The following VAV3 variants were observed in gnomAD, a reference collection of about 807,000 sequenced individuals.
The protein encoded by VAV3 is guanine nucleotide exchange factor VAV3.
In VAV3, 94 loss-of-function variants were observed where a neutral mutation model predicts 131.2. The observed-to-expected ratio is 0.72, with a 90% CI of 0.61 to 0.85. The LOEUF is 0.85. Among genes scored for constraint, VAV3 ranks in the 40% least tolerant of loss-of-function variants. The pLI, the probability that VAV3 is intolerant of heterozygous loss-of-function variation, is 0.00. For synonymous variants in VAV3, 349 were observed against 342.0 expected (o/e 1.02, Z -0.22); for missense variants, 939 against 1,002.7 (o/e 0.94, Z 0.86).
intron 19 of VAV3, among the ~76,000 whole-genome samples, chr1:107,658,366 G>T (rs1656739385): frequency 6.6e-6 from 1 of 152,166 alleles, no homozygotes; most frequent in Non-Finnish European, 1.5e-5. Flanking sequence ...CATTTGGGTG[G>T]GTTTCAAGTC....
chr1:107,879,698 T>C (rs1464672150), intron 1 of VAV3, among the ~76,000 whole-genome samples: 1 of 95,230 alleles, frequency 1.1e-5, no homozygotes, highest in Non-Finnish European at 2.2e-5. Context: ...TTCATAACCA[T>C]ACCTATTTTT....
chr1:107,964,961 C>T lies in VAV3; in HGVS notation c.-92G>A, dbSNP rs1245526015. On this transcript the variant is annotated 5_prime_UTR_variant, in exon 1 of 27. Coordinates refer to ENST00000370056, the MANE Select transcript of VAV3 (RefSeq NM_006113.5). Reference sequence around the variant, plus strand: ...CCGCGGTTCCTCCGCGCCCCGCCGACGCCAACAGCCGCCGGCCCTTTCCCC... The same window carrying T: ...CCGCGGTTCCTCCGCGCCCCGCCGATGCCAACAGCCGCCGGCCCTTTCCCC... 7.5e-6 allele frequency: 8 copies of T among 1,067,404 alleles called. No individual in the cohort carries two copies. Among genetic ancestry groups the T allele is most frequent in the African/African-American group, 1.7e-5 (1 of 59,198 alleles). 66.1% of individuals were successfully genotyped at this position (1,067,404 alleles called of 1,614,324 possible). A position where few individuals can be genotyped will look rare whatever the true frequency, so the allele number is the denominator to read the frequency against.
At chr1:107,963,685 T>C (rs1470593423) in intron 1 of VAV3, 2 of 152,214 alleles carry the variant, frequency 1.3e-5, no homozygotes, top group African/African-American at 4.8e-5. Flanking sequence ...AGAGGATTAG[T>C]GCTGAAATGT....
At chr1:107,688,180 ACCTTCGGACAG>A (rs1292555750) in intron 18 of VAV3, among the ~76,000 whole-genome samples, 190 bp downstream of exon 18, 1 of 152,036 alleles carries the variant, frequency 6.6e-6, no homozygotes, top group African/African-American at 2.4e-5. Flanking sequence ...TCTACCTAAG[ACCTTCGGACAG>A]TGACAGTGAA....
chr1:107,770,655 G>C lies in VAV3; in HGVS notation c.629C>G (p.Thr210Ser). The stretch of plus-strand genomic sequence containing the variant: ...ACTTACCTTTTCTATTGACTCCAAA[G>C]TTTCTGTATATTTTTCTTCTGTCTG... ...IKQTEEKYTE[T>S]LESIEKYFMA... The change falls in exon 6 of 27, where the codon ACT (threonine) becomes AGT (serine). Residue 210 changes from threonine to serine, a missense_variant. Thr to Ser is a moderately conservative substitution (Grantham distance 58). Transcript: ENST00000370056. 1 of 1,610,340 alleles carries C rather than the reference G, an allele frequency of 6.2e-7. No homozygotes were observed. The highest frequency in any genetic ancestry group is 8.5e-7 in the Non-Finnish European group (1 of 1,177,690).
chr1:107,822,154 C>G (rs964663436), intron 2 of VAV3, among the ~76,000 whole-genome samples: 2 of 152,064 alleles, frequency 1.3e-5, no homozygotes, highest in African/African-American at 4.8e-5. Context: ...GGCAAAACTC[C>G]TGGTGGGTGA....
chr1:107,679,200 T>C (rs1658431583), intron 19 of VAV3, among the ~76,000 whole-genome samples: 3 of 152,198 alleles, frequency 2.0e-5, no homozygotes, highest in Non-Finnish European at 4.4e-5. Flanking sequence ...TGAAGATGTC[T>C]CTGCTACAAA....
rs1393440813 is a variant in VAV3, at chr1:107,640,163, T to C, written c.1914+2456A>G. 8.2e-4 allele frequency among the ~76,000 whole-genome samples: 125 copies of C among 152,168 alleles called. 1 individual carries two copies. Among genetic ancestry groups the C allele is most frequent in the Admixed American group, 8.2e-3 (125 of 15,254 alleles). On this transcript the variant is annotated intron_variant, in intron 20 of 26. Coordinates refer to ENST00000370056, the MANE Select transcript of VAV3 (RefSeq NM_006113.5). ...CATTATGTCCATACAAAGAATTATA[T>C]TTGAATGTTCATAGAAGCTTTATTT... is the stretch of plus-strand genomic sequence containing the variant.
chr1:107,713,445 A>C (rs190233161), intron 15 of VAV3, among the ~76,000 whole-genome samples: 1 of 152,114 alleles, frequency 6.6e-6, no homozygotes, highest in African/African-American at 2.4e-5. Flanking sequence ...TCCTTGCAAT[A>C]CACAAGTACC....
intron 15 of VAV3, among the ~76,000 whole-genome samples, chr1:107,739,688 A>C (rs1175773533): frequency 1.3e-5 from 2 of 152,238 alleles, no homozygotes; most frequent in Non-Finnish European, 2.9e-5. Flanking sequence ...ACAAATATAC[A>C]GACAGTTTAT....
At chr1:107,607,795 A>G (rs1336644518) in intron 22 of VAV3, among the ~76,000 whole-genome samples, 1 of 152,250 alleles carries the variant, frequency 6.6e-6, no homozygotes, top group Non-Finnish European at 1.5e-5. Flanking sequence ...TATGCAAGAG[A>G]CAAAATTTAC....
intron 19 of VAV3, among the ~76,000 whole-genome samples, chr1:107,679,713 C>T (rs11811342): frequency 6.6e-6 from 1 of 152,048 alleles, no homozygotes; most frequent in East Asian, 1.9e-4. Flanking sequence ...ACCTTGAGTG[C>T]CACTTTAGGT....
At chr1:107,593,222 T>A (rs1651106233) in intron 25 of VAV3, among the ~76,000 whole-genome samples, 1 of 152,154 alleles carries the variant, frequency 6.6e-6, no homozygotes, top group Non-Finnish European at 1.5e-5. Context: ...TACTTTGAAT[T>A]TGCATAAGAT....
At chr1:107,701,631 T>C (rs1211246051) in intron 17 of VAV3, among the ~76,000 whole-genome samples, 1 of 152,246 alleles carries the variant, frequency 6.6e-6, no homozygotes. Context: ...TTCTTTTCTA[T>C]CGCATCATCA....
intron 18 of VAV3, among the ~76,000 whole-genome samples, chr1:107,683,758 A>G (rs547900876): frequency 5.3e-5 from 8 of 152,294 alleles, no homozygotes; most frequent in Admixed American, 3.9e-4. Flanking sequence ...TTGGTACCTT[A>G]TAACAGTAAG....
intron 1 of VAV3, among the ~76,000 whole-genome samples, chr1:107,899,071 T>C (rs1671740108): frequency 6.6e-6 from 1 of 152,118 alleles, no homozygotes; most frequent in Non-Finnish European, 1.5e-5. Context: ...ATGATGAAGA[T>C]GATGAAAGTA....
At chr1:107,878,041 T>A (rs1197443943) in intron 1 of VAV3, among the ~76,000 whole-genome samples, 5 of 152,186 alleles carry the variant, frequency 3.3e-5, no homozygotes, top group African/African-American at 1.2e-4. Flanking sequence ...TTATTTATTT[T>A]ATTTTTTTGA....
chr1:107,755,324 A>G (rs780330900), intron 12 of VAV3, 103 bp downstream of exon 12: 7 of 892,920 alleles, frequency 7.8e-6, no homozygotes, highest in Non-Finnish European at 1.2e-5. Flanking sequence ...ACAACCTCCA[A>G]CAGTAGAAAC....
Position 107,749,149 on chromosome 1 carries a change from C to T in VAV3, c.1393-72G>A, listed in dbSNP as rs1663545366. The stretch of plus-strand genomic sequence containing the variant: ...TGTTTCTAAATTCACAAGAATACCA[C>T]AACTATCCAAAAACTCCTCACAATA... On this transcript the variant is annotated intron_variant, in intron 14 of 26. Coordinates refer to ENST00000370056, the MANE Select transcript of VAV3 (RefSeq NM_006113.5). 6.2e-6 allele frequency: 7 copies of T among 1,130,880 alleles called. No individual in the cohort carries two copies. The South Asian group carries it at 8.5e-5, about 14-fold the overall frequency. The allele number at this position is 1,130,880 out of a possible 1,614,324, so 70.1% of individuals were successfully genotyped here.
Sources: allele counts gnomAD v4.1 joint callset (sites outside exome capture counted in the v4.1 genomes callset), GRCh38; gene constraint gnomAD v4.1.1; transcripts MANE v1.5; gene names NCBI Gene and HGNC (gene_info 2026-07-23, HGNC 2026-07-21).